The following RUFY2 variants were observed in gnomAD, a reference collection of about 807,000 sequenced individuals.
RUFY2 encodes the protein RUN and FYVE domain-containing protein 2.
RUFY2 carries 49 observed loss-of-function variants against 94.4 expected under a neutral mutation model. That is an observed-to-expected ratio of 0.52 (90% CI 0.41 to 0.66). The LOEUF is 0.66. RUFY2 is among the 30% of genes least tolerant of loss of function. RUFY2 has a pLI of 0.00. For missense variants in RUFY2, 541 were observed against 692.8 expected, an observed-to-expected ratio of 0.78 and a Z score of 2.46; for synonymous variants, 255 against 235.7, an observed-to-expected ratio of 1.08 and a Z score of -0.75.
rs1298907736 is a variant in RUFY2, at chr10:68,394,369, C to T, written c.481G>A (p.Asp161Asn). Reference sequence around the variant, plus strand: ...TCTCCCTTCACACACAGATTAGCATCGATCACATTCAGGCCAACCAGCAGC... The same window carrying T: ...TCTCCCTTCACACACAGATTAGCATTGATCACATTCAGGCCAACCAGCAGC... ...VGLLVGLNVIDANLCVKGEDL... is the reference protein window; with the variant it reads ...VGLLVGLNVINANLCVKGEDL... Residue 161 changes from aspartate (D) to asparagine (N), a missense_variant, in exon 5 of 18, where the codon GAT (aspartate) becomes AAT (asparagine). Asp to Asn is a conservative substitution (Grantham distance 23). Coordinates refer to ENST00000602465, the MANE Select transcript of RUFY2 (RefSeq NM_001330103.2). The T allele has an allele frequency of 2.5e-6, 4 of 1,613,750 alleles. No individual in the cohort carries two copies.
intron 8 of RUFY2, among the ~76,000 whole-genome samples, chr10:68,385,465 G>A (rs1223432261): frequency 6.6e-6 from 1 of 152,102 alleles, no homozygotes; most frequent in African/African-American, 2.4e-5. Context: ...CACATGGGAT[G>A]AGCTTTGCAC....
intron 16 of RUFY2, among the ~76,000 whole-genome samples, chr10:68,353,120 G>A (rs2046803170): frequency 3.9e-5 from 6 of 152,016 alleles, no homozygotes; most frequent in Admixed American, 3.9e-4. Flanking sequence ...ATCACCTGAG[G>A]TCAGGAGTTT....
downstream of RUFY2, chr10:68,341,886 A>G (rs781567004): frequency 2.5e-6 from 4 of 1,592,040 alleles, no homozygotes; most frequent in Admixed American, 5.0e-5. Context: ...GTTAGTCCGC[A>G]TATGTAGTGC....
chr10:68,371,882 CA>C (rs2048306817), intron 13 of RUFY2, among the ~76,000 whole-genome samples: 1 of 152,132 alleles, frequency 6.6e-6, no homozygotes, highest in Non-Finnish European at 1.5e-5. Context: ...GAGAGAGTGG[CA>C]TAAGATTTCT....
intron 3 of RUFY2, among the ~76,000 whole-genome samples, chr10:68,397,813 T>C (rs936092371): frequency 2.6e-5 from 4 of 151,576 alleles, no homozygotes; most frequent in African/African-American, 9.7e-5. Context: ...TGAATGAGCT[T>C]AGCCCTCTAA....
At chr10:68,342,866 G>GTA (rs1199630052), downstream of RUFY2, 3 of 152,330 alleles carry the variant, frequency 2.0e-5, no homozygotes, top group Non-Finnish European at 2.9e-5. Flanking sequence ...TCTCACAATT[G>GTA]TATTTTCAGT....
intron 15 of RUFY2, among the ~76,000 whole-genome samples, chr10:68,357,493 A>G (rs1392651768): frequency 6.6e-6 from 1 of 152,076 alleles, no homozygotes; most frequent in African/African-American, 2.4e-5. Flanking sequence ...CGGCCTCCCA[A>G]AGTGCTAGGA....
At chr10:68,349,552 T>G (rs1297976217) in intron 16 of RUFY2, among the ~76,000 whole-genome samples, 1 of 151,896 alleles carries the variant, frequency 6.6e-6, no homozygotes, top group Non-Finnish European at 1.5e-5. Context: ...AAAAATTTTT[T>G]TTTTGAGACA....
In RUFY2 at chr10:68,345,716, TC is replaced by T; in HGVS notation, c.*51del. 1.9e-6 allele frequency: 3 copies of T among 1,546,284 alleles called. No homozygotes were observed. Among genetic ancestry groups the T allele is most frequent in the Non-Finnish European group, 2.7e-6 (3 of 1,128,272 alleles). On this transcript the variant is annotated 3_prime_UTR_variant, in exon 18 of 18. Transcript: ENST00000602465. ...TGTCTGGTTACCTTTGTATACAACA[TC>T]ATAACATTCATTGTAGGTAATTTCA... is the stretch of plus-strand genomic sequence containing the variant.
At chr10:68,366,519 G>T (rs913212522) in intron 13 of RUFY2, among the ~76,000 whole-genome samples, 3 of 150,836 alleles carry the variant, frequency 2.0e-5, no homozygotes, top group Non-Finnish European at 2.9e-5. Context: ...GAGGCAGGTG[G>T]ATCACTTGAG....
At chr10:68,353,290 C>A (rs760764678) in intron 16 of RUFY2, among the ~76,000 whole-genome samples, 8 of 150,876 alleles carry the variant, frequency 5.3e-5, no homozygotes, top group Non-Finnish European at 8.8e-5. Context: ...GAGATCGCGC[C>A]ACTGCACTCC....
At chr10:68,367,122 T>C (rs1384096164) in intron 13 of RUFY2, among the ~76,000 whole-genome samples, 1 of 151,568 alleles carries the variant, frequency 6.6e-6, no homozygotes, top group Non-Finnish European at 1.5e-5. Context: ...GAGCTGAGAT[T>C]GCGCCACTGC....
downstream of RUFY2, chr10:68,342,116 G>A (rs970614656): frequency 3.4e-6 from 4 of 1,164,938 alleles, no homozygotes; most frequent in Non-Finnish European, 4.8e-6. Context: ...CTTTCTTACA[G>A]ATTTAATTTC....
intron 15 of RUFY2, among the ~76,000 whole-genome samples, chr10:68,361,516 A>T (rs1012763384): frequency 6.6e-6 from 1 of 152,266 alleles, no homozygotes; most frequent in Non-Finnish European, 1.5e-5. Context: ...GGTAATAAGC[A>T]CTTAGCACAG....
chr10:68,400,411 T>C (rs1290925132), intron 3 of RUFY2, among the ~76,000 whole-genome samples: 2 of 151,978 alleles, frequency 1.3e-5, no homozygotes, highest in Non-Finnish European at 2.9e-5. Flanking sequence ...GCACGGTGGC[T>C]CACGCCTGTA....
chr10:68,345,958 T>C (rs773208969), intron 17 of RUFY2, 47 bp from the exon 18 acceptor site: 21 of 1,611,844 alleles, frequency 1.3e-5, no homozygotes, highest in African/African-American at 4.0e-5. Context: ...TAAATAAAAT[T>C]AGCATTTTTG....
chr10:68,383,992 T>C, intron 9 of RUFY2, 59 bp downstream of exon 9: 1 of 1,581,644 alleles, frequency 6.3e-7, no homozygotes, highest in African/African-American at 1.3e-5. Context: ...CATCCAAAAA[T>C]CCCCAAAAAT....
At chr10:68,361,283 GA>G in intron 15 of RUFY2, among the ~76,000 whole-genome samples, 1 of 151,150 alleles carries the variant, frequency 6.6e-6, no homozygotes, top group South Asian at 2.1e-4. Flanking sequence ...TCCTCTCAAA[GA>G]GAAAAAAAAA....
intron 1 of RUFY2, chr10:68,406,787 C>T: frequency 6.2e-7 from 1 of 1,612,448 alleles, no homozygotes; most frequent in Admixed American, 1.7e-5. Flanking sequence ...CCCCGTCTCC[C>T]GCCCTCGGCG....
Sources: gnomAD v4.1 joint callset for allele counts (sites outside exome capture counted in the v4.1 genomes callset) on GRCh38, gnomAD v4.1.1 for gene constraint, MANE v1.5 for transcripts, NCBI Gene and HGNC (gene_info 2026-07-23, HGNC 2026-07-21) for gene names.